The following PHYHIPL variants were observed in gnomAD, a reference collection of about 807,000 sequenced individuals.
PHYHIPL encodes phytanoyl-CoA 2-hydroxylase interacting protein like, also known as phytanoyl-CoA hydroxylase-interacting protein-like.
Under a neutral mutation model 33.4 loss-of-function variants are expected in PHYHIPL, and 9 were observed. That is an observed-to-expected ratio of 0.27 (90% CI 0.16 to 0.47). The LOEUF (loss-of-function observed/expected upper bound fraction) is 0.47. Ranked by LOEUF, PHYHIPL falls within the 20% of genes least tolerant of loss-of-function variation. PHYHIPL has a pLI of 0.99. For synonymous variants in PHYHIPL, 153 were observed against 154.1 expected, an observed-to-expected ratio of 0.99 and a Z score of 0.05; for missense variants, 365 against 460.7, an observed-to-expected ratio of 0.79 and a Z score of 1.90.
At chr10:59,190,963 A>G (rs1838767833) in intron 1 of PHYHIPL, among the ~76,000 whole-genome samples, 1 of 151,900 alleles carries the variant, frequency 6.6e-6, no homozygotes, top group Admixed American at 6.6e-5. Flanking sequence ...AATCCTTATT[A>G]GTGTATAATT....
Position 59,246,851 on chromosome 10 carries a change from C to A in PHYHIPL, c.*1260C>A, listed in dbSNP as rs1042652526. 3.7e-5 allele frequency: 14 copies of A among 380,756 alleles called. No homozygotes were observed. The highest frequency in any genetic ancestry group is 9.0e-5 in the Admixed American group (2 of 22,322). The allele number at this position is 380,756 out of a possible 1,614,324, so 23.6% of individuals were successfully genotyped here. On this transcript the variant is annotated 3_prime_UTR_variant, in exon 5 of 5. Coordinates refer to ENST00000373880, the MANE Select transcript of PHYHIPL (RefSeq NM_032439.4). ...TACTATGGACACATTAGATTATATA[C>A]TACAGACACATATCTATCCAAAATA...
intron 1 of PHYHIPL, among the ~76,000 whole-genome samples, chr10:59,185,163 T>C (rs1451720689): frequency 6.6e-6 from 1 of 151,650 alleles, no homozygotes; most frequent in Non-Finnish European, 1.5e-5. Context: ...GCTAATTTTT[T>C]GTATTTTTAG....
At position 59,212,991 on chromosome 10, in the gene PHYHIPL, CAGTT is replaced by C. The variant is rs775301050; in HGVS notation, c.107-21312_107-21309del. On this transcript the variant is annotated intron_variant, in intron 1 of 4. Coordinates refer to ENST00000373880, the MANE Select transcript of PHYHIPL (RefSeq NM_032439.4). ...ATTTGCCAATTCATTTTCGAGGTGA[CAGTT>C]GGTTAAGTCACATTCATATTGTCTG... is the stretch of plus-strand genomic sequence containing the variant. 4.5e-4 allele frequency among the ~76,000 whole-genome samples: 68 copies of C among 152,222 alleles called. 1 individual carries two copies. The highest frequency in any genetic ancestry group is 3.5e-3 in the Admixed American group (54 of 15,278).
Position 59,245,656 on chromosome 10 carries a change from C to A in PHYHIPL, c.*65C>A. On this transcript the variant is annotated 3_prime_UTR_variant, in exon 5 of 5. Coordinates refer to ENST00000373880, the MANE Select transcript of PHYHIPL (RefSeq NM_032439.4). ...CTTAGGAGCATTGGTCCTCTGTTGTCCATTTTTATCACCAGATGTTTTCCA... is the reference window on the plus strand; with the variant it reads ...CTTAGGAGCATTGGTCCTCTGTTGTACATTTTTATCACCAGATGTTTTCCA... 6.8e-7 allele frequency: 1 copy of A among 1,467,220 alleles called. No homozygotes were observed. Among genetic ancestry groups the A allele is most frequent in the South Asian group, 1.4e-5 (1 of 73,130 alleles). The allele number at this position is 1,467,220 out of a possible 1,614,324, so 90.9% of individuals were successfully genotyped here.
intron 1 of PHYHIPL, among the ~76,000 whole-genome samples, chr10:59,226,682 C>T (rs1337407703): frequency 6.6e-6 from 1 of 152,154 alleles, no homozygotes; most frequent in Non-Finnish European, 1.5e-5. Flanking sequence ...GCTCTAAAAT[C>T]TTAAAGTATG....
intron 3 of PHYHIPL, 107 bp downstream of exon 3, chr10:59,236,764 G>A (rs1204176415): frequency 2.1e-6 from 2 of 961,762 alleles, no homozygotes; most frequent in Non-Finnish European, 2.8e-6. Context: ...TGTGACATTG[G>A]TCATTTTTTG....
intron 3 of PHYHIPL, 103 bp downstream of exon 3, chr10:59,236,760 A>G (rs1280257718): frequency 9.7e-7 from 1 of 1,026,324 alleles, no homozygotes; most frequent in Non-Finnish European, 1.3e-6. Context: ...TATATGTGAC[A>G]TTGGTCATTT....
chr10:59,213,260 A>G (rs921391392), intron 1 of PHYHIPL, among the ~76,000 whole-genome samples: 12 of 152,078 alleles, frequency 7.9e-5, no homozygotes, highest in South Asian at 2.1e-4. Flanking sequence ...ATGTCATTCA[A>G]TGGTTACCTT....
intron 1 of PHYHIPL, among the ~76,000 whole-genome samples, chr10:59,205,188 T>C (rs1424506334): frequency 2.0e-5 from 3 of 152,188 alleles, no homozygotes; most frequent in African/African-American, 4.8e-5. Context: ...CAAGGGAATA[T>C]ACTTAAAAGT....
At chr10:59,194,817 C>T (rs1680714491) in intron 1 of PHYHIPL, among the ~76,000 whole-genome samples, 1 of 152,078 alleles carries the variant, frequency 6.6e-6, no homozygotes, top group South Asian at 2.1e-4. Flanking sequence ...TTAACTTCAC[C>T]TATTTATAGG....
chr10:59,238,575 G>T lies in PHYHIPL; in HGVS notation c.479-13G>T. 1 of 1,474,602 alleles carries T rather than the reference G, an allele frequency of 6.8e-7. No homozygotes were observed. The allele number at this position is 1,474,602 out of a possible 1,614,324, so 91.3% of individuals were successfully genotyped here. ...CAATATTTTTAATAACAGACTTTTTGGGTTTTTTCCAGACTATTCAAAAGT... is the reference window on the plus strand; with the variant it reads ...CAATATTTTTAATAACAGACTTTTTTGGTTTTTTCCAGACTATTCAAAAGT... On this transcript the variant is annotated splice_polypyrimidine_tract_variant and intron_variant, in intron 3 of 4. Transcript: ENST00000373880.
intron 1 of PHYHIPL, among the ~76,000 whole-genome samples, chr10:59,220,832 C>A (rs1314832538): frequency 6.6e-6 from 1 of 151,968 alleles, no homozygotes; most frequent in Non-Finnish European, 1.5e-5. Flanking sequence ...CATATAACCT[C>A]TTTGTACCTC....
chr10:59,186,691 T>G (rs530734439), intron 1 of PHYHIPL, among the ~76,000 whole-genome samples: 4 of 152,302 alleles, frequency 2.6e-5, no homozygotes, highest in South Asian at 2.1e-4. Context: ...CCCTTGTAAG[T>G]TGGATTCCTA....
intron 1 of PHYHIPL, among the ~76,000 whole-genome samples, chr10:59,192,260 AAT>A (rs1289518834): frequency 6.6e-6 from 1 of 152,142 alleles, no homozygotes; most frequent in Admixed American, 6.6e-5. Flanking sequence ...GTTAAATGAT[AAT>A]GTTTGATACA....
At chr10:59,176,251 A>G (rs1838246499), upstream of PHYHIPL, among the ~76,000 whole-genome samples, 1 of 152,126 alleles carries the variant, frequency 6.6e-6, no homozygotes, top group Admixed American at 6.5e-5. Context: ...TTCTTGGTAA[A>G]CAACAAACAT....
intron 1 of PHYHIPL, among the ~76,000 whole-genome samples, chr10:59,213,833 G>A (rs776813936): frequency 2.6e-5 from 4 of 152,150 alleles, no homozygotes; most frequent in Non-Finnish European, 5.9e-5. Context: ...AAAGTTTGAG[G>A]AGCTAGATTG....
intron 1 of PHYHIPL, among the ~76,000 whole-genome samples, chr10:59,222,369 A>G (rs1839801751): frequency 6.6e-6 from 1 of 152,062 alleles, no homozygotes; most frequent in African/African-American, 2.4e-5. Flanking sequence ...GCGGGGCTTA[A>G]GGATTAGATG....
At chr10:59,187,898 G>A (rs1393733815) in intron 1 of PHYHIPL, among the ~76,000 whole-genome samples, 1 of 151,822 alleles carries the variant, frequency 6.6e-6, no homozygotes, top group African/African-American at 2.4e-5. Context: ...CCATTTTGTT[G>A]ATCTTTTCAA....
At chr10:59,234,015 C>T (rs1840154042) in intron 1 of PHYHIPL, among the ~76,000 whole-genome samples, 1 of 151,610 alleles carries the variant, frequency 6.6e-6, no homozygotes, top group Admixed American at 6.6e-5. Flanking sequence ...CTTAAAACAC[C>T]TGATACTACT....
Sources: gnomAD v4.1 joint callset for allele counts (sites outside exome capture counted in the v4.1 genomes callset) on GRCh38, gnomAD v4.1.1 for gene constraint, MANE v1.5 for transcripts, NCBI Gene and HGNC (gene_info 2026-07-23, HGNC 2026-07-21) for gene names.